Variants in STARD13 observed in about 807,000 individuals in gnomAD.
STARD13 encodes the protein stAR-related lipid transfer protein 13.
A neutral mutation model predicts 106.4 loss-of-function variants in STARD13; 62 were observed. The observed-to-expected ratio is 0.58, with a 90% CI of 0.48 to 0.72. The LOEUF is 0.72. STARD13 is among the 30% of genes least tolerant of loss of function. The probability of loss-of-function intolerance (pLI) is 0.00; values close to 1 mark genes in which losing one functional copy is unlikely to be tolerated. For missense variants in STARD13, 1,387 were observed against 1,424.0 expected, an observed-to-expected ratio of 0.97 and a Z score of 0.42; for synonymous variants, 565 against 553.0, an observed-to-expected ratio of 1.02 and a Z score of -0.31.
the STARD13 span, among the ~76,000 whole-genome samples, chr13:33,477,690 T>G: frequency 6.6e-6 from 1 of 152,192 alleles, no homozygotes. Flanking sequence ...ATCCCATTAT[T>G]CCACAACACC....
chr13:33,655,109 A>G, the STARD13 span, among the ~76,000 whole-genome samples: 3 of 152,242 alleles, frequency 2.0e-5, no homozygotes, highest in African/African-American at 7.2e-5. Context: ...GTTTTAATTG[A>G]CTTTAATGGG....
intron 7 of STARD13, among the ~76,000 whole-genome samples, chr13:33,120,286 C>A (rs534150971): frequency 6.6e-6 from 1 of 152,340 alleles, no homozygotes; most frequent in East Asian, 1.9e-4. Context: ...GTCTTGCGGG[C>A]TGTTTCTGGG....
At chr13:33,522,264 G>A in the STARD13 span, among the ~76,000 whole-genome samples, 1 of 151,778 alleles carries the variant, frequency 6.6e-6, no homozygotes, top group Non-Finnish European at 1.5e-5. Context: ...AGAAAGGTAC[G>A]GACATTTCCC....
intron 7 of STARD13, among the ~76,000 whole-genome samples, chr13:33,119,719 C>T (rs563204513): frequency 8.5e-5 from 13 of 152,330 alleles, no homozygotes; most frequent in African/African-American, 2.9e-4. Context: ...TCGCTCTAAT[C>T]CCACACATCA....
intron 4 of STARD13, among the ~76,000 whole-genome samples, chr13:33,137,281 G>C (rs1414384911): frequency 6.6e-6 from 1 of 152,238 alleles, no homozygotes; most frequent in African/African-American, 2.4e-5. Flanking sequence ...AGGTCTGCAA[G>C]TGTTTTCTGT....
the STARD13 span, among the ~76,000 whole-genome samples, chr13:33,411,187 T>C: frequency 6.6e-6 from 1 of 152,206 alleles, no homozygotes; most frequent in Admixed American, 6.5e-5. Flanking sequence ...TTCAGCCTTT[T>C]AAATTAAATT....
At chr13:33,349,960 T>C (rs1000979117) in intron 1 of STARD13, among the ~76,000 whole-genome samples, 2 of 152,178 alleles carry the variant, frequency 1.3e-5, no homozygotes, top group African/African-American at 4.8e-5. Flanking sequence ...TGGAATGGGA[T>C]GGCAGCGGAG....
the STARD13 span, chr13:33,657,595 T>C: frequency 6.6e-6 from 1 of 152,270 alleles, no homozygotes; most frequent in Non-Finnish European, 1.5e-5. Flanking sequence ...GGATGAATTA[T>C]AGAGAAACGG....
chr13:33,587,867 T>C, the STARD13 span, among the ~76,000 whole-genome samples: 3 of 152,246 alleles, frequency 2.0e-5, no homozygotes, highest in Non-Finnish European at 2.9e-5. Context: ...AAGAAGTGTA[T>C]AAAAATCTCA....
the STARD13 span, among the ~76,000 whole-genome samples, chr13:33,377,756 G>A: frequency 2.0e-5 from 3 of 152,122 alleles, no homozygotes; most frequent in East Asian, 1.9e-4. Flanking sequence ...CTTAGAGCAG[G>A]AAGGTGTGTG....
At chr13:33,403,213 C>T in the STARD13 span, among the ~76,000 whole-genome samples, 9 of 152,192 alleles carry the variant, frequency 5.9e-5, no homozygotes, top group East Asian at 5.8e-4. Flanking sequence ...CAACGATGAC[C>T]GAACAGGCAA....
intron 1 of STARD13, among the ~76,000 whole-genome samples, chr13:33,259,186 C>T (rs1039255603): frequency 6.6e-6 from 1 of 152,198 alleles, no homozygotes; most frequent in Non-Finnish European, 1.5e-5. Context: ...TGCCCAGCAT[C>T]TAACAGTTGC....
At chr13:33,294,129 G>T (rs1283475963) in intron 1 of STARD13, among the ~76,000 whole-genome samples, 1 of 152,198 alleles carries the variant, frequency 6.6e-6, no homozygotes, top group Non-Finnish European at 1.5e-5. Context: ...AGGGGATAAA[G>T]GGCATAAGAA....
rs548580221 is a variant in STARD13, at chr13:33,316,935, GT to G, written c.124+33354del. ...CATTTTCTTTCTCGACCTCTCAGAA[GT>G]TTTTTGACACTTGTGATCAGTCTCT... On this transcript the variant is annotated intron_variant, in intron 1 of 5. Coordinates refer to the STARD13 transcript ENST00000567873. 4.6e-5 allele frequency among the ~76,000 whole-genome samples: 7 copies of G among 152,250 alleles called. No individual in the cohort carries two copies. In the East Asian group the frequency reaches 7.7e-4, roughly 17 times the overall value.
At chr13:33,371,844 A>G in the STARD13 span, among the ~76,000 whole-genome samples, 1 of 152,214 alleles carries the variant, frequency 6.6e-6, no homozygotes. Flanking sequence ...TATTTCTTCT[A>G]TTTCAGAACT....
At chr13:33,121,245 C>T (rs968120581) in intron 7 of STARD13, among the ~76,000 whole-genome samples, 5 of 152,246 alleles carry the variant, frequency 3.3e-5, no homozygotes, top group Admixed American at 1.3e-4. Context: ...GTGACGGCAA[C>T]GAGTGGTTTC....
At chr13:33,652,495 A>C in the STARD13 span, among the ~76,000 whole-genome samples, 1 of 152,208 alleles carries the variant, frequency 6.6e-6, no homozygotes, top group African/African-American at 2.4e-5. Flanking sequence ...CATACATTTT[A>C]TTCACAATCT....
the STARD13 span, among the ~76,000 whole-genome samples, chr13:33,560,925 A>G: frequency 6.6e-6 from 1 of 151,522 alleles, no homozygotes; most frequent in African/African-American, 2.4e-5. Flanking sequence ...GACAATAGCC[A>G]GCCAACTTAC....
At chr13:33,428,312 A>C in the STARD13 span, among the ~76,000 whole-genome samples, 4 of 152,218 alleles carry the variant, frequency 2.6e-5, no homozygotes, top group Non-Finnish European at 2.9e-5. Context: ...CAACAAAACA[A>C]ATATAGAAAT....
Sources: allele counts gnomAD v4.1 joint callset (sites outside exome capture counted in the v4.1 genomes callset), GRCh38; gene constraint gnomAD v4.1.1; transcripts MANE v1.5; gene names NCBI Gene and HGNC (gene_info 2026-07-23, HGNC 2026-07-21).